The following CNIH3 variants were observed in gnomAD, a reference collection of about 807,000 sequenced individuals.
The protein encoded by CNIH3 is cornichon family AMPA receptor auxiliary protein 3.
Under a neutral mutation model 24.1 loss-of-function variants are expected in CNIH3, and 14 were observed. The observed-to-expected ratio is 0.58, with a 90% confidence interval of 0.38 to 0.91. The LOEUF (loss-of-function observed/expected upper bound fraction) is 0.91. Ranked by LOEUF, CNIH3 falls within the 40% of genes least tolerant of loss-of-function variation. CNIH3 has a pLI of 0.00. For synonymous variants in CNIH3, 68 were observed against 73.8 expected, an observed-to-expected ratio of 0.92 and a Z score of 0.40; for missense variants, 178 against 196.8, an observed-to-expected ratio of 0.90 and a Z score of 0.57.
downstream of CNIH3, among the ~76,000 whole-genome samples, chr1:224,591,177 C>T (rs149494148): frequency 4.1e-4 from 62 of 152,342 alleles, no homozygotes; most frequent in African/African-American, 1.4e-3. Flanking sequence ...TGCACTGCTT[C>T]ACATATCTGA....
chr1:224,696,066 G>A (rs544756838), intron 3 of CNIH3, among the ~76,000 whole-genome samples: 1 of 152,178 alleles, frequency 6.6e-6, no homozygotes, highest in East Asian at 1.9e-4. Context: ...ACTGAAACAT[G>A]ATGGGGCTCA....
At chr1:224,582,389 A>G (rs1011563693) in intron 4 of CNIH3, among the ~76,000 whole-genome samples, 3 of 152,066 alleles carry the variant, frequency 2.0e-5, no homozygotes, top group Non-Finnish European at 4.4e-5. Context: ...CATGACAAGT[A>G]TGTTACATAA....
At chr1:224,723,495 G>A (rs1452119266) in intron 3 of CNIH3, among the ~76,000 whole-genome samples, 1 of 152,200 alleles carries the variant, frequency 6.6e-6, no homozygotes, top group Non-Finnish European at 1.5e-5. Context: ...AGGCCCCATG[G>A]GATGGAAAAG....
intron 1 of CNIH3, among the ~76,000 whole-genome samples, chr1:224,650,349 G>C (rs927443129): frequency 6.6e-6 from 1 of 152,140 alleles, no homozygotes; most frequent in Non-Finnish European, 1.5e-5. Context: ...GATCAAGCAG[G>C]GAGGCTGAGT....
downstream of CNIH3, among the ~76,000 whole-genome samples, chr1:224,538,895 T>G (rs1051837297): frequency 8.0e-5 from 12 of 149,466 alleles, no homozygotes; most frequent in East Asian, 7.9e-4. Flanking sequence ...CTCGAACTCC[T>G]GGTCTCAAGT....
chr1:224,680,604 C>T (rs187991498), intron 1 of CNIH3, among the ~76,000 whole-genome samples: 1 of 152,336 alleles, frequency 6.6e-6, no homozygotes, highest in African/African-American at 2.4e-5. Flanking sequence ...ATAAATAGCT[C>T]TTCCTGGAAG....
intron 1 of CNIH3, among the ~76,000 whole-genome samples, chr1:224,618,128 G>A (rs1038130134): frequency 1.3e-5 from 2 of 152,238 alleles, no homozygotes; most frequent in African/African-American, 4.8e-5. Context: ...AGTACTGAGA[G>A]AGCGCGCAGG....
intron 1 of CNIH3, among the ~76,000 whole-genome samples, chr1:224,471,481 T>G (rs920283281): frequency 2.0e-5 from 3 of 152,224 alleles, no homozygotes. Context: ...CTTTAGCTCC[T>G]ACAAATAAGT....
At chr1:224,475,328 C>T (rs1395506891) in intron 1 of CNIH3, among the ~76,000 whole-genome samples, 9 of 149,318 alleles carry the variant, frequency 6.0e-5, no homozygotes, top group African/African-American at 2.2e-4. Flanking sequence ...TGCAGTCCAG[C>T]CGGGGCGACA....
chr1:224,591,157 A>C (rs1681738785), downstream of CNIH3, among the ~76,000 whole-genome samples: 1 of 152,154 alleles, frequency 6.6e-6, no homozygotes, highest in South Asian at 2.1e-4. Flanking sequence ...CAACATGCAC[A>C]TTGACACCCT....
chr1:224,595,900 G>A (rs1681958250), intron 3 of CNIH3, among the ~76,000 whole-genome samples: 1 of 152,232 alleles, frequency 6.6e-6, no homozygotes, highest in African/African-American at 2.4e-5. Context: ...AGAGAGGTGA[G>A]GAAGCTGCAA....
intron 3 of CNIH3, among the ~76,000 whole-genome samples, chr1:224,707,364 A>G (rs1281428777): frequency 6.6e-6 from 1 of 152,108 alleles, no homozygotes; most frequent in East Asian, 1.9e-4. Flanking sequence ...AGCCCAAAAC[A>G]CACTTCAACC....
Position 224,493,329 on chromosome 1 carries a change from T to C in CNIH3, n.204-22412T>C, listed in dbSNP as rs72758369. On this transcript the variant is annotated intron_variant and non_coding_transcript_variant, in intron 1 of 5. Coordinates refer to the CNIH3 transcript ENST00000471578. ...CAAGTCATTTTTTGGCTTTTAAAGTTGTCTTTAGCAAACCAAAAGGTCAGG... is the reference window on the plus strand; with the variant it reads ...CAAGTCATTTTTTGGCTTTTAAAGTCGTCTTTAGCAAACCAAAAGGTCAGG... Among the ~76,000 whole-genome samples, 1,039 of 152,278 alleles carry C rather than the reference T, an allele frequency of 6.8e-3. 3 individuals are homozygous for C. Among genetic ancestry groups the C allele is most frequent in the Non-Finnish European group, 0.01 (706 of 68,020 alleles).
At chr1:224,710,908 A>G (rs917547893) in intron 3 of CNIH3, among the ~76,000 whole-genome samples, 7 of 152,230 alleles carry the variant, frequency 4.6e-5, no homozygotes, top group African/African-American at 2.4e-5. Context: ...TTCTTCCTGC[A>G]TAATGATATC....
chr1:224,490,159 A>T (rs1435433978), intron 1 of CNIH3, among the ~76,000 whole-genome samples: 1 of 152,246 alleles, frequency 6.6e-6, no homozygotes, highest in African/African-American at 2.4e-5. Flanking sequence ...CCAATAAAAA[A>T]TGCAACAAGT....
At position 224,703,709 on chromosome 1, in the gene CNIH3, A is replaced by C. The variant is rs1203505606; in HGVS notation, c.198+18866A>C. On this transcript the variant is annotated intron_variant, in intron 3 of 5. Transcript: ENST00000272133. The surrounding 1 kb of genome is among the most constrained non-coding windows in gnomAD (Gnocchi z 4.2). ...TCCAAAGCAATTTGTTTCCTAAAAG[A>C]TAGAAGTTCATCTTTTTTCATGAGG... Among the ~76,000 whole-genome samples, 1 of 152,176 alleles carries C rather than the reference A, an allele frequency of 6.6e-6. No individual in the cohort carries two copies. The highest frequency in any genetic ancestry group is 1.5e-5 in the Non-Finnish European group (1 of 68,038).
At chr1:224,536,276 ATTG>A (rs983413217) in intron 2 of CNIH3, among the ~76,000 whole-genome samples, 3 of 134,848 alleles carry the variant, frequency 2.2e-5, no homozygotes, top group African/African-American at 8.5e-5. Context: ...AGCTGCCATA[ATTG>A]TTGTCTTTTT....
intron 5 of CNIH3, among the ~76,000 whole-genome samples, chr1:224,585,685 A>G (rs1015924232): frequency 1.4e-5 from 2 of 142,680 alleles, no homozygotes; most frequent in Non-Finnish European, 3.1e-5. Flanking sequence ...GGGTCTCACT[A>G]TGTTGCCCAG....
chr1:224,486,283 G>T (rs570984127), intron 1 of CNIH3, among the ~76,000 whole-genome samples: 59 of 147,016 alleles, frequency 4.0e-4, no homozygotes, highest in South Asian at 8.7e-4. Flanking sequence ...TTTTTGTGGG[G>T]TTTTTTTTTT....
Sources: allele counts gnomAD v4.1 joint callset (sites outside exome capture counted in the v4.1 genomes callset), GRCh38; gene constraint gnomAD v4.1.1; non-coding constraint Gnocchi (gnomAD v3.1); transcripts MANE v1.5; gene names NCBI Gene and HGNC (gene_info 2026-07-23, HGNC 2026-07-21).